Variants in POLQ observed in about 807,000 individuals in gnomAD.
The protein encoded by POLQ is DNA polymerase theta.
POLQ carries 233 observed loss-of-function variants against 259.2 expected under a neutral mutation model. That is an observed-to-expected ratio of 0.90 (90% CI 0.81 to 1.00). The LOEUF (loss-of-function observed/expected upper bound fraction) is 1.00, where lower values mean the gene tolerates loss of function less well. Ranked by LOEUF, POLQ falls within the 50% of genes least tolerant of loss-of-function variation. The pLI, the probability that POLQ is intolerant of heterozygous loss-of-function variation, is 0.00. For missense variants in POLQ, 2,871 were observed against 3,051.6 expected (o/e 0.94, Z 1.39); for synonymous variants, 1,025 against 1,048.8 (o/e 0.98, Z 0.44).
At chr3:121,502,601 A>C (rs901205150) in intron 12 of POLQ, among the ~76,000 whole-genome samples, 4 of 152,228 alleles carry the variant, frequency 2.6e-5, no homozygotes, top group African/African-American at 4.8e-5. Flanking sequence ...GCAAAGCTGT[A>C]CTGGACTAAG....
At chr3:121,492,407 AC>A (rs1340141649) in intron 15 of POLQ, among the ~76,000 whole-genome samples, 4 of 152,210 alleles carry the variant, frequency 2.6e-5, no homozygotes, top group African/African-American at 7.2e-5. Context: ...GGTTATTCAG[AC>A]ATACACACAA....
Position 121,489,421 on chromosome 3 carries a change from T to G in POLQ, c.3510A>C (p.Glu1170Asp), listed in dbSNP as rs2048044528. The change falls in exon 16 of 30, where the codon GAA (glutamate) becomes GAC (aspartate). Residue 1170 changes from glutamate to aspartate, a missense_variant. By Grantham distance (45) the Glu-to-Asp change is conservative. This residue lies in a region of POLQ where 2,080 missense variants were observed against 2,126.0 expected (regional missense o/e 0.98). Coordinates refer to ENST00000264233, the MANE Select transcript of POLQ (RefSeq NM_199420.4). ...GVAVEAEKIN[E>D]VLIQNGSKNQ... is the part of the protein sequence containing the mutation. ...TTTTTGAACCATTTTGTATCAGCAC[T>G]TCATTTATTTTTTCTGCCTCAACAG... is the stretch of plus-strand genomic sequence containing the variant. The G allele has an allele frequency of 1.9e-6, 3 of 1,613,942 alleles. No homozygotes were observed. The highest frequency in any genetic ancestry group is 2.7e-5 in the African/African-American group (2 of 74,916).
intron 22 of POLQ, among the ~76,000 whole-genome samples, chr3:121,470,207 C>T (rs902245363): frequency 1.1e-4 from 16 of 151,854 alleles, no homozygotes; most frequent in African/African-American, 2.9e-4. Flanking sequence ...TGCAGTGAGC[C>T]GAGATCACGC....
chr3:121,482,104 A>G (rs889621298), intron 18 of POLQ, among the ~76,000 whole-genome samples: 2 of 152,218 alleles, frequency 1.3e-5, no homozygotes, highest in Non-Finnish European at 2.9e-5. Flanking sequence ...GTGTCTCAGC[A>G]AACTCAAACC....
chr3:121,463,354 C>T (rs1576405890), intron 24 of POLQ, among the ~76,000 whole-genome samples: 1 of 152,174 alleles, frequency 6.6e-6, no homozygotes, highest in Non-Finnish European at 1.5e-5. Flanking sequence ...GAGGCCTCCC[C>T]AGCAATGTGG....
intron 25 of POLQ, among the ~76,000 whole-genome samples, chr3:121,458,039 G>A (rs2108782936): frequency 6.6e-6 from 1 of 152,260 alleles, no homozygotes; most frequent in Non-Finnish European, 1.5e-5. Flanking sequence ...TATACACCAT[G>A]GAATACTACG....
chr3:121,476,386 C>T (rs1014092030), intron 20 of POLQ, among the ~76,000 whole-genome samples, 154 bp downstream of exon 20: 1 of 151,784 alleles, frequency 6.6e-6, no homozygotes, highest in Non-Finnish European at 1.5e-5. Context: ...AAATTAGATG[C>T]TAGAATATTC....
At position 121,532,186 on chromosome 3, in the gene POLQ, T is replaced by A. The variant is rs1159967729; in HGVS notation, c.960+804A>T. Among the ~76,000 whole-genome samples the A allele has an allele frequency of 2.0e-5, 3 of 152,350 alleles. No homozygotes were observed. The East Asian group carries it at 5.8e-4, about 29-fold the overall frequency. The stretch of plus-strand genomic sequence containing the variant: ...ATATCCTATTTAACAGGTGAAGATA[T>A]GAGGTTCAGATAGGTTTTGTGATTC... On this transcript the variant is annotated intron_variant, in intron 6 of 29. Transcript: ENST00000264233.
intron 9 of POLQ, among the ~76,000 whole-genome samples, chr3:121,515,933 T>A (rs914139200): frequency 1.1e-4 from 17 of 151,674 alleles, no homozygotes; most frequent in African/African-American, 3.6e-4. Context: ...AAATAAAATT[T>A]GGAAAACAAT....
chr3:121,477,144 G>A lies in POLQ; in HGVS notation c.6212-411C>T, dbSNP rs74717995. Among the ~76,000 whole-genome samples the A allele has an allele frequency of 5.0e-3, 765 of 152,234 alleles. 2 individuals carry two copies. Among genetic ancestry groups the A allele is most frequent in the Non-Finnish European group, 8.6e-3 (584 of 68,014 alleles). On this transcript the variant is annotated intron_variant, in intron 19 of 29. Transcript: ENST00000264233. Reference sequence around the variant, plus strand: ...TAGGACACTCCATACCTGACTTTACGTGACAGGGCACAGTCAAAACACAGG... The same window carrying A: ...TAGGACACTCCATACCTGACTTTACATGACAGGGCACAGTCAAAACACAGG...
intron 25 of POLQ, among the ~76,000 whole-genome samples, chr3:121,450,323 C>A (rs921638512): frequency 6.6e-6 from 1 of 151,720 alleles, no homozygotes; most frequent in African/African-American, 2.4e-5. Context: ...TAAAGTCTAC[C>A]CCCACCCCCA....
At chr3:121,465,076 TTTTTTTC>T (rs891817339) in intron 24 of POLQ, among the ~76,000 whole-genome samples, 8 of 151,596 alleles carry the variant, frequency 5.3e-5, no homozygotes, top group African/African-American at 1.2e-4. Context: ...CTGGAAATGT[TTTTTTTC>T]TTTTTTCTTT....
rs1275409744 is a variant in POLQ, at chr3:121,466,134, G to A, written c.6967+1385C>T. On this transcript the variant is annotated intron_variant, in intron 24 of 29. Transcript: ENST00000264233. Reference sequence around the variant, plus strand: ...AATATGGAGAAAATTTAAGTGGTCTGGATAAAAAAAATGAAACCAGCCACA... The same window carrying A: ...AATATGGAGAAAATTTAAGTGGTCTAGATAAAAAAAATGAAACCAGCCACA... Among the ~76,000 whole-genome samples the A allele has an allele frequency of 2.6e-5, 4 of 151,826 alleles. No homozygotes were observed. In the East Asian group the frequency reaches 7.7e-4, roughly 29 times the overall value.
Position 121,485,152 on chromosome 3 carries a change from C to T in POLQ, c.5662G>A (p.Asp1888Asn). 1.2e-6 allele frequency: 2 copies of T among 1,608,530 alleles called. No homozygotes were observed. The highest frequency in any genetic ancestry group is 1.7e-6 in the Non-Finnish European group (2 of 1,176,366). Residue 1888 changes from aspartate to asparagine, a missense_variant, in exon 17 of 30, where the codon GAT becomes AAT. By Grantham distance (23) the Asp-to-Asn change is conservative. Transcript: ENST00000264233. ...TCACAACCTTTAATGGGAAATCCAT[C>T]ATCTCTAATAGGAATTTCCTGAGGT... Reference protein sequence around the residue: ...SSPQEIPIRDDGFPIKGCDDT... With the variant: ...SSPQEIPIRDNGFPIKGCDDT...
chr3:121,440,149 A>T lies in POLQ; in HGVS notation c.7265-33T>A, dbSNP rs779947562. The T allele has an allele frequency of 4.5e-6, 7 of 1,558,250 alleles. 1 individual carries two copies. The South Asian group carries it at 7.9e-5, about 18-fold the overall frequency. ...GAAAATACAGAAATAATTAATTAGA[A>T]CCAAAGTCTATCCTTCACTTCATTC... On this transcript the variant is annotated intron_variant, in intron 26 of 29. Transcript: ENST00000264233.
chr3:121,441,683 A>C (rs998681914), intron 26 of POLQ, among the ~76,000 whole-genome samples: 2 of 152,200 alleles, frequency 1.3e-5, no homozygotes, highest in African/African-American at 4.8e-5. Context: ...GTTGTGAATA[A>C]AGCTGCTATA....
chr3:121,481,787 T>C lies in POLQ; in HGVS notation c.5996A>G (p.Asp1999Gly), dbSNP rs747368932. ...GCTATGAAGAGTCGGCTCCTGAGAA[T>C]CTGGATCTAGTAACCAGCATGCCAC... ...PKVACWLLDP[D>G]SQEPTLHSIV... The change falls in exon 19 of 30, where the codon GAT (aspartate) becomes GGT (glycine). Residue 1999 changes from aspartate to glycine, a missense_variant. Coordinates refer to ENST00000264233, the MANE Select transcript of POLQ (RefSeq NM_199420.4). The C allele has an allele frequency of 6.2e-7, 1 of 1,612,532 alleles. No homozygotes were observed. Among genetic ancestry groups the C allele is most frequent in the South Asian group, 1.1e-5 (1 of 90,898 alleles).
Position 121,481,654 on chromosome 3 carries a change from T to A in POLQ, c.6129A>T (p.Arg2043=), listed in dbSNP as rs774899596. 4 of 1,614,094 alleles carry A rather than the reference T, an allele frequency of 2.5e-6. No individual in the cohort carries two copies. The highest frequency in any genetic ancestry group is 3.4e-6 in the Non-Finnish European group (4 of 1,179,972). The change falls in exon 19 of 30, where the codon CGA becomes CGT. Residue 2043 remains arginine (R), a synonymous_variant. Coordinates refer to ENST00000264233, the MANE Select transcript of POLQ (RefSeq NM_199420.4). The part of the protein sequence containing the change: ...GLNAGSEHSG[R]YRASVESILI... ...GAATGGACTCCACAGATGCTCTGTATCGCCCAGAATGCTCACTGCCAGCAT... is the reference window on the plus strand; with the variant it reads ...GAATGGACTCCACAGATGCTCTGTAACGCCCAGAATGCTCACTGCCAGCAT...
rs1180039682 is a variant in POLQ at position 121,432,978 on chromosome 3, G to A, written c.7599C>T (p.Phe2533=). The A allele has an allele frequency of 3.1e-6, 5 of 1,613,056 alleles. No individual in the cohort carries two copies. Among genetic ancestry groups the A allele is most frequent in the Non-Finnish European group, 4.2e-6 (5 of 1,179,054 alleles). ...GTTCATCATGGAGTTGAAGGATGAA[G>A]AAGCCTCCTCTGATTGGGCAGAACA... ...QGMFCPIRGG[F]FILQLHDELL... The change falls in exon 29 of 30, where the codon TTC becomes TTT. Residue 2533 remains phenylalanine, a synonymous_variant. Coordinates refer to ENST00000264233, the MANE Select transcript of POLQ (RefSeq NM_199420.4).
Sources: allele counts gnomAD v4.1 joint callset (sites outside exome capture counted in the v4.1 genomes callset), GRCh38; gene constraint gnomAD v4.1.1; regional missense constraint gnomAD v4.1.1; transcripts MANE v1.5; gene names NCBI Gene and HGNC (gene_info 2026-07-23, HGNC 2026-07-21).